Variants in KCNQ1 observed in about 807,000 individuals in gnomAD.
KCNQ1 encodes the protein potassium voltage-gated channel subfamily KQT member 1.
KCNQ1 carries 49 observed loss-of-function variants against 72.4 expected under a neutral mutation model. That is an observed-to-expected ratio of 0.68 (90% CI 0.54 to 0.86). The LOEUF (loss-of-function observed/expected upper bound fraction) is 0.86, where lower values mean the gene tolerates loss of function less well. KCNQ1 is among the 40% of genes least tolerant of loss of function. The pLI, the probability that KCNQ1 is intolerant of heterozygous loss-of-function variation, is 0.00. For synonymous variants in KCNQ1, 450 were observed against 412.6 expected, an observed-to-expected ratio of 1.09 and a Z score of -1.10; for missense variants, 790 against 945.1, an observed-to-expected ratio of 0.84 and a Z score of 2.15.
chr11:2,445,058 T>G lies in KCNQ1; in HGVS notation c.-41T>G. On this transcript the variant is annotated 5_prime_UTR_variant, in exon 1 of 16. Coordinates refer to ENST00000155840, the MANE Select transcript of KCNQ1 (RefSeq NM_000218.3). ...CGCTCGCCTTCGCTGCAGCTCCCGG[T>G]GCCGCCGCTCGGGCCGGCCCCCCGG... is the stretch of plus-strand genomic sequence containing the variant. 1 of 1,047,104 alleles carries G rather than the reference T, an allele frequency of 9.6e-7. No homozygotes were observed. The highest frequency in any genetic ancestry group is 1.1e-6 in the Non-Finnish European group (1 of 870,814). 64.9% of individuals were successfully genotyped at this position (1,047,104 alleles called of 1,614,324 possible).
chr11:2,771,163 C>T (rs1292392686), intron 12 of KCNQ1, among the ~76,000 whole-genome samples: 1 of 152,250 alleles, frequency 6.6e-6, no homozygotes, highest in Non-Finnish European at 1.5e-5. Flanking sequence ...CTGGGGGCTG[C>T]TTCCAAGGTC....
intron 11 of KCNQ1, chr11:2,681,862 G>A (rs1408470725): frequency 2.5e-6 from 1 of 398,444 alleles, no homozygotes; most frequent in Non-Finnish European, 4.4e-6. Flanking sequence ...TCCAAAGGAG[G>A]CCCAGCACTA....
rs944253399 is a variant in KCNQ1 at position 2,695,515 on chromosome 11, C to G, written c.1514+33434C>G. Reference sequence around the variant, plus strand: ...ACATCTAGTCCCCTGCTCCTAACCACAGTGACCAGCTCCAACTGCCCACCC... The same window carrying G: ...ACATCTAGTCCCCTGCTCCTAACCAGAGTGACCAGCTCCAACTGCCCACCC... On this transcript the variant is annotated intron_variant, in intron 11 of 15. Coordinates refer to ENST00000155840, the MANE Select transcript of KCNQ1 (RefSeq NM_000218.3). The surrounding 1 kb of genome is among the most constrained non-coding windows in gnomAD (Gnocchi z 5.2). The G allele has an allele frequency of 2.5e-6, 1 of 398,584 alleles. No individual in the cohort carries two copies. Among genetic ancestry groups the G allele is most frequent in the African/African-American group, 2.1e-5 (1 of 48,620 alleles). The allele number at this position is 398,584 out of a possible 1,614,324, so 24.7% of individuals were successfully genotyped here.
At chr11:2,581,861 T>C (rs527239220) in intron 6 of KCNQ1, among the ~76,000 whole-genome samples, 75 of 152,194 alleles carry the variant, frequency 4.9e-4, no homozygotes, top group African/African-American at 1.8e-3. Context: ...CCTGTGCACA[T>C]TGTGTGTGTG....
intron 11 of KCNQ1, chr11:2,696,496 C>G: frequency 2.5e-6 from 1 of 398,672 alleles, no homozygotes; most frequent in Admixed American, 4.4e-5. Context: ...TGGTATCTGC[C>G]AGCAGAAGTC....
At chr11:2,680,575 C>G in intron 11 of KCNQ1, 1 of 398,506 alleles carries the variant, frequency 2.5e-6, no homozygotes, top group Non-Finnish European at 4.4e-6. Flanking sequence ...CTTACATACT[C>G]CTTTACCTAG....
rs1012702817 is a variant in KCNQ1 at position 2,626,034 on chromosome 11, A to G, written c.1394-35927A>G. 1.3e-5 allele frequency: 5 copies of G among 398,428 alleles called. No individual in the cohort carries two copies. The highest frequency in any genetic ancestry group is 2.2e-5 in the Non-Finnish European group (5 of 226,046). 24.7% of individuals were successfully genotyped at this position (398,428 alleles called of 1,614,324 possible). A position where few individuals can be genotyped will look rare whatever the true frequency, so the allele number is the denominator to read the frequency against. On this transcript the variant is annotated intron_variant, in intron 10 of 15. Coordinates refer to ENST00000155840, the MANE Select transcript of KCNQ1 (RefSeq NM_000218.3). The surrounding 1 kb of genome is among the most constrained non-coding windows in gnomAD (Gnocchi z 4.0). Reference sequence around the variant, plus strand: ...ATATTATTTTAATGCACACAATGTAAATTTTTAAAATTTATCTAGTTTTAC... The same window carrying G: ...ATATTATTTTAATGCACACAATGTAGATTTTTAAAATTTATCTAGTTTTAC...
rs1253620205 is a variant in KCNQ1 at position 2,723,260 on chromosome 11, C to T, written c.1515-45584C>T. Among the ~76,000 whole-genome samples, 1 of 152,212 alleles carries T rather than the reference C, an allele frequency of 6.6e-6. No homozygotes were observed. Among genetic ancestry groups the T allele is most frequent in the African/African-American group, 2.4e-5 (1 of 41,444 alleles). ...CTCCCTGCCGCCCTGGACAAGGTGCCCACGGCCCTGTCCCATTTACCGTTG... is the reference window on the plus strand; with the variant it reads ...CTCCCTGCCGCCCTGGACAAGGTGCTCACGGCCCTGTCCCATTTACCGTTG... On this transcript the variant is annotated intron_variant, in intron 11 of 15. Coordinates refer to ENST00000155840, the MANE Select transcript of KCNQ1 (RefSeq NM_000218.3). The surrounding 1 kb of genome is among the most constrained non-coding windows in gnomAD (Gnocchi z 4.2).
chr11:2,548,388 A>G (rs146018407), intron 2 of KCNQ1, among the ~76,000 whole-genome samples: 2 of 152,376 alleles, frequency 1.3e-5, no homozygotes, highest in African/African-American at 4.8e-5. Flanking sequence ...ATCCATGCGT[A>G]TAATCGGTCA....
At chr11:2,496,504 T>TTTTTTTTTG in intron 1 of KCNQ1, among the ~76,000 whole-genome samples, 1 of 114,264 alleles carries the variant, frequency 8.8e-6, no homozygotes, top group Non-Finnish European at 1.9e-5. Context: ...GCTTTTTTTT[T>TTTTTTTTTG]TTTTTTTTTT....
rs371233237 is a variant in KCNQ1 at position 2,528,361 on chromosome 11, TCC to T, written c.477+345_477+346del. On this transcript the variant is annotated intron_variant, in intron 2 of 15. Coordinates refer to ENST00000155840, the MANE Select transcript of KCNQ1 (RefSeq NM_000218.3). The stretch of plus-strand genomic sequence containing the variant: ...GCAAAGGCCTGCCCGAGCCTTCGTG[TCC>T]CTGGGGTCTGGGTGACTCTGTTCCT... Among the ~76,000 whole-genome samples, 35 of 152,298 alleles carry T rather than the reference TCC, an allele frequency of 2.3e-4. No homozygotes were observed. In the South Asian group the frequency reaches 6.8e-3, roughly 30 times the overall value.
intron 1 of KCNQ1, chr11:2,461,486 C>T (rs116537065): frequency 5.2e-5 from 67 of 1,296,116 alleles, no homozygotes; most frequent in Admixed American, 1.6e-4. Context: ...GTGAGAGGCC[C>T]GGGAAGGCAC....
At chr11:2,499,005 G>A (rs935078935) in intron 1 of KCNQ1, among the ~76,000 whole-genome samples, 1 of 152,128 alleles carries the variant, frequency 6.6e-6, no homozygotes, top group East Asian at 1.9e-4. Context: ...CACTTCCCAG[G>A]TGAGGCGATG....
Position 2,781,761 on chromosome 11 carries a change from G to C in KCNQ1, c.1794+3724G>C, listed in dbSNP as rs1466669285. On this transcript the variant is annotated intron_variant, in intron 15 of 15. Coordinates refer to ENST00000155840, the MANE Select transcript of KCNQ1 (RefSeq NM_000218.3). The surrounding 1 kb of genome is among the most constrained non-coding windows in gnomAD (Gnocchi z 6.6). ...ATGAGGAGCACAGTGGGCTGGGAGA[G>C]TTTCTTTCTTCTCTGTTTTTGCCGG... is the stretch of plus-strand genomic sequence containing the variant. Among the ~76,000 whole-genome samples the C allele has an allele frequency of 1.3e-5, 2 of 152,220 alleles. No individual in the cohort carries two copies. The highest frequency in any genetic ancestry group is 4.1e-4 in the South Asian group (2 of 4,832).
chr11:2,517,759 C>A (rs1847312486), intron 1 of KCNQ1, among the ~76,000 whole-genome samples: 1 of 152,202 alleles, frequency 6.6e-6, no homozygotes, highest in Admixed American at 6.5e-5. Flanking sequence ...CCCGCTCACA[C>A]CTGCCTGCTG....
chr11:2,682,676 A>G lies in KCNQ1; in HGVS notation c.1514+20595A>G, dbSNP rs1850419235. 3 of 398,588 alleles carry G rather than the reference A, an allele frequency of 7.5e-6. No homozygotes were observed. Among genetic ancestry groups the G allele is most frequent in the Middle Eastern group, 1.3e-3 (2 of 1,588 alleles). 24.7% of individuals were successfully genotyped at this position (398,588 alleles called of 1,614,324 possible). On this transcript the variant is annotated intron_variant, in intron 11 of 15. Transcript: ENST00000155840. This position sits in a 1 kb window ranked among gnomAD's most constrained non-coding sequence, Gnocchi z 5.8. The stretch of plus-strand genomic sequence containing the variant: ...GGCTCATGTCCACATGCTATTGTCC[A>G]TAGAAGCTGGGGTCCAAAGTTGACC...
chr11:2,667,985 C>A, intron 11 of KCNQ1: 1 of 398,662 alleles, frequency 2.5e-6, no homozygotes, highest in South Asian at 1.3e-4. Context: ...CATTTCCTGT[C>A]ACTGACCTTG....
intron 7 of KCNQ1, 131 bp downstream of exon 7, chr11:2,583,676 C>A: frequency 2.7e-6 from 2 of 739,692 alleles, no homozygotes; most frequent in Non-Finnish European, 4.9e-6. Context: ...CTAGAAGGTG[C>A]TATACTCCAG....
chr11:2,673,911 G>A lies in KCNQ1; in HGVS notation c.1514+11830G>A, dbSNP rs1186241802. The A allele has an allele frequency of 2.5e-6, 1 of 397,956 alleles. No homozygotes were observed. The highest frequency in any genetic ancestry group is 1.3e-4 in the South Asian group (1 of 7,806). The allele number at this position is 397,956 out of a possible 1,614,324, so 24.7% of individuals were successfully genotyped here. A position where few individuals can be genotyped will look rare whatever the true frequency, so the allele number is the denominator to read the frequency against. On this transcript the variant is annotated intron_variant, in intron 11 of 15. Transcript: ENST00000155840. The surrounding 1 kb of genome is among the most constrained non-coding windows in gnomAD (Gnocchi z 4.5). ...GAAGGGATGGGAGCTCAGCTCACCG[G>A]GTGCTAGACAAGGGAGTGTGTCTCT...
Sources: allele counts gnomAD v4.1 joint callset (sites outside exome capture counted in the v4.1 genomes callset), GRCh38; gene constraint gnomAD v4.1.1; non-coding constraint Gnocchi (gnomAD v3.1); transcripts MANE v1.5; gene names NCBI Gene and HGNC (gene_info 2026-07-23, HGNC 2026-07-21).